Variants in ZC2HC1B observed in about 807,000 individuals in gnomAD.
ZC2HC1B encodes zinc finger C2HC-type containing 1B, also known as zinc finger C2HC domain-containing protein 1B.
A neutral mutation model predicts 31.0 loss-of-function variants in ZC2HC1B; 36 were observed. That is an observed-to-expected ratio of 1.16 (90% confidence interval 0.89 to 1.54). ZC2HC1B has a LOEUF of 1.54. ZC2HC1B is among the 40% of genes most tolerant of loss of function. The probability of loss-of-function intolerance (pLI) is 0.00; values close to 1 mark genes in which losing one functional copy is unlikely to be tolerated. For synonymous variants in ZC2HC1B, 73 were observed against 88.0 expected, an observed-to-expected ratio of 0.83 and a Z score of 0.95; for missense variants, 260 against 268.6, an observed-to-expected ratio of 0.97 and a Z score of 0.22.
At chr6:143,901,360 A>T (rs1777736897) in intron 5 of ZC2HC1B, among the ~76,000 whole-genome samples, 1 of 145,260 alleles carries the variant, frequency 6.9e-6, no homozygotes, top group Admixed American at 7.1e-5. Flanking sequence ...CCCGGGTTCA[A>T]GCGATTCTTG....
At chr6:143,907,068 A>C (rs1777803996) in intron 6 of ZC2HC1B, among the ~76,000 whole-genome samples, 1 of 152,126 alleles carries the variant, frequency 6.6e-6, no homozygotes, top group Admixed American at 6.5e-5. Flanking sequence ...TGTGGAAGAT[A>C]ATGGCCTCCA....
intron 4 of ZC2HC1B, 96 bp from the exon 5 acceptor site, chr6:143,898,456 C>A: frequency 7.0e-7 from 1 of 1,418,886 alleles, no homozygotes. Context: ...CCATCATATC[C>A]TTATTTCACT....
intron 4 of ZC2HC1B, among the ~76,000 whole-genome samples, chr6:143,891,197 A>G (rs960807454): frequency 2.0e-5 from 3 of 151,840 alleles, no homozygotes; most frequent in South Asian, 4.2e-4. Flanking sequence ...TTAGGGGTGT[A>G]TTTAACAAAA....
At chr6:143,932,570 CTT>C (rs965503384) in intron 6 of ZC2HC1B, among the ~76,000 whole-genome samples, 1 of 152,070 alleles carries the variant, frequency 6.6e-6, no homozygotes, top group African/African-American at 2.4e-5. Context: ...CCTGTATTGT[CTT>C]TGAAATTTAT....
intron 4 of ZC2HC1B, 79 bp from the exon 5 acceptor site, chr6:143,898,473 A>G: frequency 1.4e-6 from 2 of 1,471,926 alleles, no homozygotes; most frequent in East Asian, 2.5e-5. Flanking sequence ...CACTTCATGT[A>G]GTTCATTCTA....
Position 143,915,027 on chromosome 6 carries a change from G to T in ZC2HC1B, c.598+11875G>T, listed in dbSNP as rs1777901037. Among the ~76,000 whole-genome samples the T allele has an allele frequency of 6.6e-6, 1 of 152,116 alleles. No homozygotes were observed. Among genetic ancestry groups the T allele is most frequent in the Non-Finnish European group, 1.5e-5 (1 of 68,012 alleles). On this transcript the variant is annotated intron_variant, in intron 6 of 7. Transcript: ENST00000237275. The surrounding 1 kb of genome is among the most constrained non-coding windows in gnomAD (Gnocchi z 5.2). ...ATAAGGAGAGACATTTGTCATTCTGGTATATGTTTTCTATATGCCTTACAG... is the reference window on the plus strand; with the variant it reads ...ATAAGGAGAGACATTTGTCATTCTGTTATATGTTTTCTATATGCCTTACAG...
chr6:143,915,029 A>G lies in ZC2HC1B; in HGVS notation c.598+11877A>G, dbSNP rs377528029. On this transcript the variant is annotated intron_variant, in intron 6 of 7. Transcript: ENST00000237275. The surrounding 1 kb of genome is among the most constrained non-coding windows in gnomAD (Gnocchi z 5.2). The stretch of plus-strand genomic sequence containing the variant: ...AAGGAGAGACATTTGTCATTCTGGT[A>G]TATGTTTTCTATATGCCTTACAGCT... Among the ~76,000 whole-genome samples, 5 of 152,140 alleles carry G rather than the reference A, an allele frequency of 3.3e-5. No homozygotes were observed. Among genetic ancestry groups the G allele is most frequent in the South Asian group, 2.1e-4 (1 of 4,830 alleles).
chr6:143,909,403 G>GA (rs916924228), intron 6 of ZC2HC1B, among the ~76,000 whole-genome samples: 9 of 148,820 alleles, frequency 6.0e-5, no homozygotes, highest in East Asian at 2.0e-4. Flanking sequence ...TCTCAAAAAA[G>GA]AAAAAAAAAT....
chr6:143,937,249 G>A (rs77483489), intron 6 of ZC2HC1B, among the ~76,000 whole-genome samples: 2,941 of 152,220 alleles, frequency 0.019, 100 homozygotes, highest in African/African-American at 0.067. Context: ...TTATGCTTCC[G>A]TAAGGCTTAG....
At chr6:143,894,943 C>T (rs1777647606) in intron 4 of ZC2HC1B, among the ~76,000 whole-genome samples, 1 of 152,186 alleles carries the variant, frequency 6.6e-6, no homozygotes, top group Non-Finnish European at 1.5e-5. Context: ...TGTAAGTCCT[C>T]ACCAAATGTT....
intron 6 of ZC2HC1B, among the ~76,000 whole-genome samples, chr6:143,935,221 G>A (rs532286317): frequency 6.6e-6 from 1 of 152,242 alleles, no homozygotes; most frequent in South Asian, 2.1e-4. Context: ...CACCTGGTAG[G>A]GGTGGGTAGA....
At chr6:143,874,610 G>C (rs1263057243) in intron 1 of ZC2HC1B, among the ~76,000 whole-genome samples, 1 of 152,148 alleles carries the variant, frequency 6.6e-6, no homozygotes, top group Non-Finnish European at 1.5e-5. Context: ...GGCAGCAAGA[G>C]AAAATGAGGA....
intron 4 of ZC2HC1B, among the ~76,000 whole-genome samples, chr6:143,892,122 G>T (rs909479388): frequency 1.1e-4 from 17 of 152,178 alleles, no homozygotes; most frequent in East Asian, 1.9e-4. Flanking sequence ...AGAAAAGGGG[G>T]TTTTTTGGCT....
chr6:143,904,634 G>A (rs894812111), intron 6 of ZC2HC1B, among the ~76,000 whole-genome samples: 3 of 152,114 alleles, frequency 2.0e-5, no homozygotes, highest in African/African-American at 7.2e-5. Flanking sequence ...TTCTTTGGTT[G>A]CCTCTGGTGA....
chr6:143,865,636 G>A lies in ZC2HC1B; in HGVS notation c.28+1069G>A. On this transcript the variant is annotated intron_variant, in intron 1 of 7. Coordinates refer to ENST00000237275, the MANE Select transcript of ZC2HC1B (RefSeq NM_001013623.3). This position sits in a 1 kb window ranked among gnomAD's most constrained non-coding sequence, Gnocchi z 4.4. ...TATTGCTTTATCCTTAGGTCTGGAA[G>A]GGTGCCTGGCATTCAGTATACAGTC... is the stretch of plus-strand genomic sequence containing the variant. Among the ~76,000 whole-genome samples the A allele has an allele frequency of 6.6e-6, 1 of 152,188 alleles. No homozygotes were observed. Among genetic ancestry groups the A allele is most frequent in the Admixed American group, 6.5e-5 (1 of 15,284 alleles).
At position 143,887,101 on chromosome 6, in the gene ZC2HC1B, A is replaced by G. The variant is rs1777539769; in HGVS notation, c.349+280A>G. ...AGCCGATAGGTATGGAGCTATGCAG[A>G]GCAAACTAACCAACTCTGCAACAGC... On this transcript the variant is annotated intron_variant, in intron 4 of 7. Coordinates refer to ENST00000237275, the MANE Select transcript of ZC2HC1B (RefSeq NM_001013623.3). This position sits in a 1 kb window ranked among gnomAD's most constrained non-coding sequence, Gnocchi z 5.1. Among the ~76,000 whole-genome samples the G allele has an allele frequency of 6.6e-6, 1 of 152,168 alleles. No individual in the cohort carries two copies. The highest frequency in any genetic ancestry group is 6.5e-5 in the Admixed American group (1 of 15,270).
chr6:143,911,314 G>A lies in ZC2HC1B; in HGVS notation c.598+8162G>A, dbSNP rs1777853120. 6.6e-6 allele frequency among the ~76,000 whole-genome samples: 1 copy of A among 152,162 alleles called. No homozygotes were observed. Among genetic ancestry groups the A allele is most frequent in the South Asian group, 2.1e-4 (1 of 4,820 alleles). Reference sequence around the variant, plus strand: ...TATTGTTATGTGTGAATTAGATCCTGTCATCATGATGCTAGTTAGTTATTT... The same window carrying A: ...TATTGTTATGTGTGAATTAGATCCTATCATCATGATGCTAGTTAGTTATTT... On this transcript the variant is annotated intron_variant, in intron 6 of 7. Coordinates refer to ENST00000237275, the MANE Select transcript of ZC2HC1B (RefSeq NM_001013623.3). The surrounding 1 kb of genome is among the most constrained non-coding windows in gnomAD (Gnocchi z 4.5).
At position 143,905,842 on chromosome 6, in the gene ZC2HC1B, A is replaced by G. The variant is rs1777787585; in HGVS notation, c.598+2690A>G. On this transcript the variant is annotated intron_variant, in intron 6 of 7. Coordinates refer to ENST00000237275, the MANE Select transcript of ZC2HC1B (RefSeq NM_001013623.3). This position sits in a 1 kb window ranked among gnomAD's most constrained non-coding sequence, Gnocchi z 4.2. ...GTAATTTTTGTCCTTTATTCTGTAA[A>G]TGTAGTGTACATTGATCGATTTTCA... Among the ~76,000 whole-genome samples, 4 of 152,122 alleles carry G rather than the reference A, an allele frequency of 2.6e-5. No homozygotes were observed. In the South Asian group the frequency reaches 8.3e-4, roughly 32 times the overall value.
At chr6:143,926,884 C>T (rs1402937391) in intron 6 of ZC2HC1B, among the ~76,000 whole-genome samples, 12 of 141,284 alleles carry the variant, frequency 8.5e-5, no homozygotes, top group Middle Eastern at 3.9e-3. Context: ...TCGCCCAGGC[C>T]GCTGCAAGCT....
Sources: gnomAD v4.1 joint callset for allele counts (sites outside exome capture counted in the v4.1 genomes callset) on GRCh38, gnomAD v4.1.1 for gene constraint, Gnocchi (gnomAD v3.1) non-coding constraint, MANE v1.5 for transcripts, NCBI Gene and HGNC (gene_info 2026-07-23, HGNC 2026-07-21) for gene names.